CSMD1: variants seen among roughly 807,000 people sequenced by gnomAD.
CSMD1 encodes the protein CUB and Sushi multiple domains 1, also known as CUB and sushi domain-containing protein 1.
In CSMD1, 213 loss-of-function variants were observed where a neutral mutation model predicts 417.5. The ratio of observed to expected loss-of-function variants is 0.51; its 90% CI spans 0.46 to 0.57. The LOEUF is 0.57. CSMD1 is among the 20% of genes least tolerant of loss of function. The probability of loss-of-function intolerance (pLI) is 0.00; values close to 1 mark genes in which losing one functional copy is unlikely to be tolerated. For synonymous variants in CSMD1, 2,862 were observed against 1,736.8 expected (o/e 1.65, Z -16.11); for missense variants, 6,923 against 4,529.7 (o/e 1.53, Z -15.17).
intron 1 of CSMD1, among the ~76,000 whole-genome samples, chr8:4,701,805 A>G (rs986999273): frequency 3.3e-5 from 5 of 152,130 alleles, no homozygotes; most frequent in Admixed American, 2.0e-4. Flanking sequence ...ATGAAGATGC[A>G]TAATCTCATA....
At chr8:4,788,066 T>A (rs1696441065) in intron 1 of CSMD1, 2 of 1,597,710 alleles carry the variant, frequency 1.3e-6, no homozygotes, top group African/African-American at 1.3e-5. Context: ...TTGAGTGGGT[T>A]GCAGAGAAAG....
chr8:3,006,711 G>A (rs1483666151), intron 52 of CSMD1, among the ~76,000 whole-genome samples: 1 of 151,538 alleles, frequency 6.6e-6, no homozygotes, highest in Non-Finnish European at 1.5e-5. Context: ...GGGAAAACTG[G>A]CTAGCCATAT....
chr8:4,927,443 T>C (rs1000838904), intron 1 of CSMD1, among the ~76,000 whole-genome samples: 3 of 152,156 alleles, frequency 2.0e-5, no homozygotes, highest in Non-Finnish European at 2.9e-5. Flanking sequence ...GAAAGTTTAA[T>C]GTAGGACTCA....
chr8:3,944,550 G>A (rs911230188), intron 5 of CSMD1, among the ~76,000 whole-genome samples: 9 of 151,992 alleles, frequency 5.9e-5, no homozygotes, highest in African/African-American at 9.7e-5. Context: ...TATATTCAAG[G>A]AAATTTAAAT....
At chr8:4,765,851 C>A (rs1235167264) in intron 1 of CSMD1, among the ~76,000 whole-genome samples, 6 of 152,154 alleles carry the variant, frequency 3.9e-5, no homozygotes, top group African/African-American at 9.6e-5. Context: ...AGTAACTGGG[C>A]TGATTTCTCT....
chr8:3,975,210 T>A (rs983909208), intron 5 of CSMD1, among the ~76,000 whole-genome samples: 1 of 152,220 alleles, frequency 6.6e-6, no homozygotes, highest in Non-Finnish European at 1.5e-5. Context: ...TATTGTTACA[T>A]AATTGATTAC....
chr8:3,522,459 G>C (rs1052200096), intron 10 of CSMD1, among the ~76,000 whole-genome samples: 2 of 152,168 alleles, frequency 1.3e-5, no homozygotes, highest in Non-Finnish European at 2.9e-5. Flanking sequence ...AGAGACAGCT[G>C]CATTTACTTT....
chr8:3,692,806 C>A (rs996145688), intron 7 of CSMD1, among the ~76,000 whole-genome samples: 1 of 152,072 alleles, frequency 6.6e-6, no homozygotes, highest in Non-Finnish European at 1.5e-5. Flanking sequence ...GACCTCTGGA[C>A]CCTAATATGC....
At chr8:4,150,475 CAG>C (rs1563190438) in intron 3 of CSMD1, among the ~76,000 whole-genome samples, 1 of 152,174 alleles carries the variant, frequency 6.6e-6, no homozygotes, top group East Asian at 1.9e-4. Context: ...CTTCAGCTAA[CAG>C]AATTTTTCAC....
chr8:3,949,476 C>T (rs9987350), intron 5 of CSMD1, among the ~76,000 whole-genome samples: 41 of 152,226 alleles, frequency 2.7e-4, no homozygotes, highest in African/African-American at 9.1e-4. Flanking sequence ...AGCACCAATA[C>T]TATATAAATT....
intron 3 of CSMD1, among the ~76,000 whole-genome samples, chr8:4,105,430 G>T (rs531686659): frequency 6.6e-6 from 1 of 152,066 alleles, no homozygotes; most frequent in South Asian, 2.1e-4. Flanking sequence ...CATGGACACT[G>T]GTTAAACTCA....
At chr8:4,789,825 A>G (rs1021766058) in intron 1 of CSMD1, among the ~76,000 whole-genome samples, 2 of 152,172 alleles carry the variant, frequency 1.3e-5, no homozygotes, top group Non-Finnish European at 2.9e-5. Flanking sequence ...TATTTTGTTT[A>G]TGGAAAATAA....
intron 2 of CSMD1, among the ~76,000 whole-genome samples, chr8:4,480,814 G>C (rs981573249): frequency 6.6e-6 from 1 of 152,170 alleles, no homozygotes; most frequent in Non-Finnish European, 1.5e-5. Context: ...TGTTTCCTGA[G>C]GCCGACTGCC....
intron 8 of CSMD1, among the ~76,000 whole-genome samples, chr8:3,600,321 G>A (rs1177434947): frequency 1.3e-5 from 2 of 152,318 alleles, no homozygotes; most frequent in African/African-American, 2.4e-5. Flanking sequence ...TGCTGTTGAA[G>A]GGTGGAGTGG....
intron 10 of CSMD1, among the ~76,000 whole-genome samples, chr8:3,566,263 A>G (rs892785068): frequency 6.6e-6 from 1 of 152,208 alleles, no homozygotes; most frequent in African/African-American, 2.4e-5. Flanking sequence ...GAAGAGTTGA[A>G]GAAAAGAATA....
chr8:4,508,128 T>C (rs1260387231), intron 2 of CSMD1, among the ~76,000 whole-genome samples: 1 of 145,204 alleles, frequency 6.9e-6, no homozygotes, highest in Non-Finnish European at 1.5e-5. Flanking sequence ...AACAGTGAAA[T>C]TGCAGATGTA....
At chr8:4,482,744 C>G (rs1801166445) in intron 2 of CSMD1, among the ~76,000 whole-genome samples, 1 of 152,158 alleles carries the variant, frequency 6.6e-6, no homozygotes, top group South Asian at 2.1e-4. Context: ...TAGCCACAAC[C>G]TTGCCAGCAT....
chr8:4,301,050 G>C (rs796326314), intron 3 of CSMD1, among the ~76,000 whole-genome samples: 4 of 152,284 alleles, frequency 2.6e-5, no homozygotes, highest in African/African-American at 9.6e-5. Flanking sequence ...AAAGAAGTCA[G>C]AAGGAGCCAA....
intron 25 of CSMD1, among the ~76,000 whole-genome samples, chr8:3,301,735 T>C (rs1457773799): frequency 6.6e-6 from 1 of 152,114 alleles, no homozygotes; most frequent in Non-Finnish European, 1.5e-5. Context: ...GAGGGTATTA[T>C]GGTTCTGGGT....
Sources: gnomAD v4.1 joint callset for allele counts (sites outside exome capture counted in the v4.1 genomes callset) on GRCh38, gnomAD v4.1.1 for gene constraint, MANE v1.5 for transcripts, NCBI Gene and HGNC (gene_info 2026-07-23, HGNC 2026-07-21) for gene names.